SASH1: variants seen among roughly 807,000 people sequenced by gnomAD.
The protein encoded by SASH1 is SAM and SH3 domain containing 1, also known as SAM and SH3 domain-containing protein 1.
SASH1 carries 44 observed loss-of-function variants against 125.2 expected under a neutral mutation model. That is an observed-to-expected ratio of 0.35 (90% CI 0.28 to 0.45). The LOEUF (loss-of-function observed/expected upper bound fraction) is 0.45, where lower values mean the gene tolerates loss of function less well. Among genes scored for constraint, SASH1 ranks in the 20% least tolerant of loss-of-function variants. The pLI is 1.00. For synonymous variants in SASH1, 639 were observed against 649.1 expected (o/e 0.98, Z 0.24); for missense variants, 1,426 against 1,614.5 (o/e 0.88, Z 2.00).
At chr6:148,380,875 T>C (rs1454719684) in intron 1 of SASH1, among the ~76,000 whole-genome samples, 1 of 152,228 alleles carries the variant, frequency 6.6e-6, no homozygotes, top group African/African-American at 2.4e-5. Flanking sequence ...AATAAACTAA[T>C]GGCCACACTT....
intron 8 of SASH1, chr6:148,508,876 C>T (rs1457062558): frequency 2.3e-6 from 3 of 1,284,588 alleles, no homozygotes; most frequent in Non-Finnish European, 3.0e-6. Flanking sequence ...ATGCCGAAGC[C>T]GGTAAGTCAC....
chr6:148,436,655 C>T (rs1776302150), intron 2 of SASH1, among the ~76,000 whole-genome samples: 1 of 152,236 alleles, frequency 6.6e-6, no homozygotes, highest in Admixed American at 6.5e-5. Flanking sequence ...GCATCAGCTT[C>T]CAGACATTTG....
chr6:148,193,504 G>T, the SASH1 span, among the ~76,000 whole-genome samples: 3 of 152,256 alleles, frequency 2.0e-5, no homozygotes, highest in South Asian at 2.1e-4. Context: ...TAAAATGTTT[G>T]CTTCCCTGTG....
chr6:148,278,073 C>A (rs1779235677), intron 1 of SASH1, among the ~76,000 whole-genome samples: 2 of 151,576 alleles, frequency 1.3e-5, no homozygotes, highest in South Asian at 4.2e-4. Flanking sequence ...CGGAGTCTCG[C>A]TCTCTCACCC....
At chr6:148,243,009 T>C in the SASH1 span, among the ~76,000 whole-genome samples, 1 of 152,148 alleles carries the variant, frequency 6.6e-6, no homozygotes, top group Non-Finnish European at 1.5e-5. Flanking sequence ...TGGCTGATTG[T>C]ATGGGAGAAT....
At chr6:148,273,120 C>T (rs1779103359) in intron 1 of SASH1, among the ~76,000 whole-genome samples, 1 of 151,800 alleles carries the variant, frequency 6.6e-6, no homozygotes, top group Admixed American at 6.6e-5. Flanking sequence ...ATTAGCTGGG[C>T]ATGGTGGCAT....
chr6:148,508,820 G>C, intron 8 of SASH1: 2 of 615,348 alleles, frequency 3.3e-6, no homozygotes, highest in Non-Finnish European at 5.1e-6. Flanking sequence ...GGGGAGGGGG[G>C]TGGGAGGTAC....
intron 1 of SASH1, among the ~76,000 whole-genome samples, chr6:148,281,501 T>A (rs939809971): frequency 2.0e-5 from 3 of 152,144 alleles, no homozygotes; most frequent in African/African-American, 7.2e-5. Flanking sequence ...AGGAGGCATG[T>A]CTCAAGGAAG....
chr6:148,517,801 G>C (rs950107045), intron 9 of SASH1, among the ~76,000 whole-genome samples: 2 of 152,184 alleles, frequency 1.3e-5, no homozygotes, highest in Admixed American at 6.5e-5. Context: ...CCTAAGCACA[G>C]AGCCCAGAAA....
intron 1 of SASH1, among the ~76,000 whole-genome samples, chr6:148,363,793 C>T (rs1368250046): frequency 6.6e-6 from 1 of 151,906 alleles, no homozygotes; most frequent in East Asian, 1.9e-4. Context: ...AGGCATCTTA[C>T]AAGATTTGGA....
At chr6:148,406,298 C>T (rs937232216) in intron 2 of SASH1, among the ~76,000 whole-genome samples, 1 of 151,820 alleles carries the variant, frequency 6.6e-6, no homozygotes, top group African/African-American at 2.4e-5. Context: ...CCAGTGTGAA[C>T]ATTGCTGATA....
the SASH1 span, among the ~76,000 whole-genome samples, chr6:148,226,346 T>C: frequency 6.6e-6 from 1 of 152,238 alleles, no homozygotes; most frequent in Non-Finnish European, 1.5e-5. Context: ...TTTTAAATTC[T>C]ATAGTTGCTT....
chr6:148,431,976 A>ATT (rs5880778), intron 2 of SASH1, among the ~76,000 whole-genome samples: 43 of 140,036 alleles, frequency 3.1e-4, no homozygotes, highest in African/African-American at 9.8e-4. Context: ...AAGTAATATA[A>ATT]TTTTTTTTTT....
chr6:148,287,488 G>C (rs542352012), intron 1 of SASH1, among the ~76,000 whole-genome samples: 1 of 152,004 alleles, frequency 6.6e-6, no homozygotes, highest in Non-Finnish European at 1.5e-5. Flanking sequence ...CTGTCTCCCC[G>C]GTAACATCCA....
At chr6:148,523,598 A>G (rs1043254183) in intron 10 of SASH1, among the ~76,000 whole-genome samples, 7 of 152,182 alleles carry the variant, frequency 4.6e-5, no homozygotes, top group Non-Finnish European at 1.0e-4. Context: ...AACAGCTCTG[A>G]GACCTCCTGA....
At chr6:148,425,760 C>T (rs1174806941) in intron 2 of SASH1, among the ~76,000 whole-genome samples, 1 of 124,260 alleles carries the variant, frequency 8.0e-6, no homozygotes, top group Non-Finnish European at 1.6e-5. Flanking sequence ...TTTTCCCTGT[C>T]CCCCTGTGTC....
the SASH1 span, among the ~76,000 whole-genome samples, chr6:148,205,516 C>T: frequency 6.6e-6 from 1 of 152,120 alleles, no homozygotes; most frequent in Non-Finnish European, 1.5e-5. Context: ...TGACTCAGGC[C>T]AAGTAGGTGT....
At chr6:148,387,796 T>C (rs1197618636) in intron 1 of SASH1, among the ~76,000 whole-genome samples, 1 of 151,036 alleles carries the variant, frequency 6.6e-6, no homozygotes, top group Non-Finnish European at 1.5e-5. Flanking sequence ...TGGAGAGCAA[T>C]AGTGCGATCT....
upstream of SASH1, among the ~76,000 whole-genome samples, chr6:148,340,753 T>C (rs118108497): frequency 0.036 from 5,547 of 152,300 alleles, 142 homozygotes; most frequent in South Asian, 0.084. Context: ...CTGTACTGAC[T>C]CATAGTTCAG....
Sources: allele counts gnomAD v4.1 joint callset (sites outside exome capture counted in the v4.1 genomes callset), GRCh38; gene constraint gnomAD v4.1.1; transcripts MANE v1.5; gene names NCBI Gene and HGNC (gene_info 2026-07-23, HGNC 2026-07-21).